The following RBM19 variants were observed in gnomAD, a reference collection of about 807,000 sequenced individuals.
The protein encoded by RBM19 is RNA binding motif protein 19, also known as probable RNA-binding protein 19.
A neutral mutation model predicts 116.8 loss-of-function variants in RBM19; 94 were observed. The observed-to-expected ratio is 0.80, with a 90% CI of 0.68 to 0.95. The LOEUF (loss-of-function observed/expected upper bound fraction) is 0.95, where lower values mean the gene tolerates loss of function less well. Among genes scored for constraint, RBM19 ranks in the 40% least tolerant of loss-of-function variants. The pLI, the probability that RBM19 is intolerant of heterozygous loss-of-function variation, is 0.00. For synonymous variants in RBM19, 475 were observed against 494.1 expected (o/e 0.96, Z 0.51); for missense variants, 1,161 against 1,220.7 (o/e 0.95, Z 0.73).
At chr12:113,940,489 T>C (rs930914) in intron 14 of RBM19, among the ~76,000 whole-genome samples, 25,038 of 152,216 alleles carry the variant, frequency 0.16, 2,805 homozygotes, top group African/African-American at 0.32. Flanking sequence ...CAAGGCTTTT[T>C]TTCCTGAACT....
Position 113,898,286 on chromosome 12 carries a change from C to T in RBM19, c.2558+16683G>A, listed in dbSNP as rs997102794. On this transcript the variant is annotated intron_variant, in intron 21 of 23. Coordinates refer to ENST00000261741, the MANE Select transcript of RBM19 (RefSeq NM_016196.4). This position sits in a 1 kb window ranked among gnomAD's most constrained non-coding sequence, Gnocchi z 4.3. ...TATTTAGACAGTCTAATTTTTAATA[C>T]GTGTACATACATGTGTATCATGATA... 6.6e-6 allele frequency among the ~76,000 whole-genome samples: 1 copy of T among 152,082 alleles called. No homozygotes were observed. Among genetic ancestry groups the T allele is most frequent in the Non-Finnish European group, 1.5e-5 (1 of 68,010 alleles).
chr12:113,915,099 G>C lies in RBM19; in HGVS notation c.2442-14C>G. ...GTCACGGCTGGCCTGGAGTGGTGGGGGGAGAGGGTCCAAGTTATTCGGAGC... is the reference window on the plus strand; with the variant it reads ...GTCACGGCTGGCCTGGAGTGGTGGGCGGAGAGGGTCCAAGTTATTCGGAGC... On this transcript the variant is annotated splice_polypyrimidine_tract_variant and intron_variant, in intron 20 of 23. Coordinates refer to ENST00000261741, the MANE Select transcript of RBM19 (RefSeq NM_016196.4). 1.2e-6 allele frequency: 2 copies of C among 1,606,566 alleles called. No individual in the cohort carries two copies. The highest frequency in any genetic ancestry group is 1.7e-6 in the Non-Finnish European group (2 of 1,173,096).
rs140549279 is a variant in RBM19 at position 113,955,171 on chromosome 12, T to A, written c.881A>T (p.His294Leu). ...PANQKEPTTCHTVKLRGAPFN... is the reference protein window; with the variant it reads ...PANQKEPTTCLTVKLRGAPFN... The stretch of plus-strand genomic sequence containing the variant: ...CGGGGCTCCCCGCAGCTTCACGGTG[T>A]GGCAGGTGGTGGGTTCCTTCTGGTT... Residue 294 changes from histidine (H) to leucine (L), a missense_variant, in exon 7 of 24, where the codon CAC becomes CTC. Physicochemically the swap from His to Leu is moderately conservative, Grantham distance 99. Transcript: ENST00000261741. 1.2e-4 allele frequency: 198 copies of A among 1,613,550 alleles called. No homozygotes were observed. The African/African-American group carries it at 2.4e-3, about 20-fold the overall frequency.
chr12:113,833,028 A>G (rs1000390904), intron 23 of RBM19, among the ~76,000 whole-genome samples: 1 of 152,078 alleles, frequency 6.6e-6, no homozygotes, highest in Non-Finnish European at 1.5e-5. Context: ...TTCCAAATTT[A>G]TATCTCAGCC....
chr12:113,930,105 G>A (rs914329753), intron 16 of RBM19, among the ~76,000 whole-genome samples: 4 of 152,156 alleles, frequency 2.6e-5, no homozygotes, highest in African/African-American at 9.7e-5. Context: ...CAACTTAATG[G>A]CAAGTGACTT....
chr12:113,930,824 T>C (rs1385137956), intron 16 of RBM19, among the ~76,000 whole-genome samples: 2 of 152,112 alleles, frequency 1.3e-5, no homozygotes, highest in East Asian at 3.9e-4. Context: ...TCATGGTCTT[T>C]AGAGATCTGC....
chr12:113,957,878 G>A lies in RBM19; in HGVS notation c.744C>T (p.Ser248=), dbSNP rs368467569. 9.0e-5 allele frequency: 146 copies of A among 1,613,984 alleles called. No individual in the cohort carries two copies. The highest frequency in any genetic ancestry group is 1.1e-4 in the Non-Finnish European group (135 of 1,179,994). Residue 248 remains serine (S), a synonymous_variant, in exon 6 of 24, where the codon TCC becomes TCT. Coordinates refer to ENST00000261741, the MANE Select transcript of RBM19 (RefSeq NM_016196.4). The part of the protein sequence containing the change: ...EGSEAEEEDS[S]ATPVLQERDS... ...CTCTTTCCTGCAGGACTGGGGTGGC[G>A]GAGGAATCCTCTTCCTCGGCCTCAC...
chr12:113,841,215 G>C (rs1593468965), intron 23 of RBM19, among the ~76,000 whole-genome samples: 1 of 150,552 alleles, frequency 6.6e-6, no homozygotes, highest in Admixed American at 6.6e-5. Flanking sequence ...GCACATAACA[G>C]GGCCTTCTAT....
At chr12:113,964,889 G>C (rs1485064396) in intron 1 of RBM19, among the ~76,000 whole-genome samples, 2 of 151,426 alleles carry the variant, frequency 1.3e-5, no homozygotes, top group African/African-American at 4.9e-5. Context: ...TATACTGTTT[G>C]AATTTTGAAA....
At chr12:113,942,962 G>A (rs1593626400) in intron 13 of RBM19, among the ~76,000 whole-genome samples, 1 of 152,014 alleles carries the variant, frequency 6.6e-6, no homozygotes, top group African/African-American at 2.4e-5. Context: ...GGGACCCCAG[G>A]GTCCCCTCTC....
chr12:113,957,370 G>T (rs1200903889), intron 6 of RBM19, among the ~76,000 whole-genome samples: 3 of 152,144 alleles, frequency 2.0e-5, no homozygotes, highest in Non-Finnish European at 4.4e-5. Flanking sequence ...GAGGTCAGGA[G>T]TTTGAGACCA....
At chr12:113,926,750 T>G (rs979275128) in intron 17 of RBM19, among the ~76,000 whole-genome samples, 4 of 152,208 alleles carry the variant, frequency 2.6e-5, no homozygotes, top group African/African-American at 2.4e-5. Flanking sequence ...TTTGGGTATT[T>G]ACATCATAGA....
intron 5 of RBM19, among the ~76,000 whole-genome samples, chr12:113,958,700 C>G (rs555129445): frequency 6.6e-6 from 1 of 152,146 alleles, no homozygotes; most frequent in Non-Finnish European, 1.5e-5. Context: ...CCACCAAGCA[C>G]GTACCCTCCT....
At position 113,946,401 on chromosome 12, in the gene RBM19, C is replaced by T. The variant is rs144388538; in HGVS notation, c.1482G>A (p.Ser494=). 65 of 1,613,968 alleles carry T rather than the reference C, an allele frequency of 4.0e-5. No homozygotes were observed. In the East Asian group the frequency reaches 6.7e-4, roughly 17 times the overall value. ...GGGCCTCCTTCTTCTTCTTGTAGGA[C>T]GACGATCCCAGGGCACTGGCATCCT... is the stretch of plus-strand genomic sequence containing the variant. ...ASEDASALGS[S]SYKKKKEAQD... is the part of the protein sequence containing the mutation. Residue 494 remains serine, a synonymous_variant, in exon 12 of 24, where the codon TCG becomes TCA. Coordinates refer to ENST00000261741, the MANE Select transcript of RBM19 (RefSeq NM_016196.4).
chr12:113,838,682 C>T (rs1876176540), intron 23 of RBM19, among the ~76,000 whole-genome samples: 1 of 152,182 alleles, frequency 6.6e-6, no homozygotes, highest in Non-Finnish European at 1.5e-5. Flanking sequence ...AAGGCTTGAC[C>T]CATGAAGATT....
intron 21 of RBM19, 110 bp downstream of exon 21, chr12:113,914,859 T>C: frequency 4.4e-6 from 4 of 905,598 alleles, no homozygotes; most frequent in Non-Finnish European, 7.2e-6. Context: ...GAAAGACCAC[T>C]GTGCCGGCCT....
At chr12:113,924,639 T>G in intron 18 of RBM19, 58 bp downstream of exon 18, 2 of 1,443,660 alleles carry the variant, frequency 1.4e-6, no homozygotes, top group Non-Finnish European at 2.0e-6. Context: ...GGAGCTTCTT[T>G]TGGAATCCAC....
intron 21 of RBM19, among the ~76,000 whole-genome samples, chr12:113,864,743 C>T (rs1878680099): frequency 6.6e-6 from 1 of 152,290 alleles, no homozygotes; most frequent in East Asian, 1.9e-4. Context: ...TCTCACTTTT[C>T]CTGAGATACA....
At chr12:113,916,535 C>G (rs1470088806) in intron 20 of RBM19, among the ~76,000 whole-genome samples, 2 of 152,182 alleles carry the variant, frequency 1.3e-5, no homozygotes, top group Non-Finnish European at 2.9e-5. Context: ...CATGCTGTAT[C>G]AGGGCAGGTC....
Sources: allele counts gnomAD v4.1 joint callset (sites outside exome capture counted in the v4.1 genomes callset), GRCh38; gene constraint gnomAD v4.1.1; non-coding constraint Gnocchi (gnomAD v3.1); transcripts MANE v1.5; gene names NCBI Gene and HGNC (gene_info 2026-07-23, HGNC 2026-07-21).